FAM107A: variants seen among roughly 807,000 people sequenced by gnomAD.
FAM107A encodes actin-associated protein FAM107A.
A neutral mutation model predicts 13.7 loss-of-function variants in FAM107A; 19 were observed. The ratio of observed to expected loss-of-function variants is 1.38; its 90% CI spans 0.97 to 2.03. The LOEUF (loss-of-function observed/expected upper bound fraction) is 2.03. Ranked by LOEUF, FAM107A falls within the 30% of genes most tolerant of loss-of-function variation. The pLI is 0.00. For missense variants in FAM107A, 203 were observed against 184.4 expected, an observed-to-expected ratio of 1.10 and a Z score of -0.58; for synonymous variants, 82 against 74.5, an observed-to-expected ratio of 1.10 and a Z score of -0.52.
upstream of FAM107A, among the ~76,000 whole-genome samples, chr3:58,591,913 C>T (rs2065657316): frequency 6.6e-6 from 1 of 152,158 alleles, no homozygotes; most frequent in Non-Finnish European, 1.5e-5. The surrounding 1 kb of genome is among the most constrained non-coding windows in gnomAD (Gnocchi z 4.3). Flanking sequence ...GGGAATGCAG[C>T]CACATAAAGG....
chr3:58,578,627 C>T (rs2063749295), upstream of FAM107A, among the ~76,000 whole-genome samples: 1 of 152,098 alleles, frequency 6.6e-6, no homozygotes, highest in South Asian at 2.1e-4. Flanking sequence ...GTATGTAGAT[C>T]CTTAAGGCCA....
intron 1 of FAM107A, among the ~76,000 whole-genome samples, chr3:58,609,838 C>T (rs904479796): frequency 6.6e-6 from 1 of 152,194 alleles, no homozygotes; most frequent in Non-Finnish European, 1.5e-5. Context: ...CATGGGTTGG[C>T]CTAGGCATGG....
At chr3:58,588,719 A>C (rs1021133084), upstream of FAM107A, among the ~76,000 whole-genome samples, 2 of 151,888 alleles carry the variant, frequency 1.3e-5, no homozygotes, top group African/African-American at 4.8e-5. Context: ...TTCTTTCTTT[A>C]TTTTTTTATG....
chr3:58,579,918 G>T (rs560225392), upstream of FAM107A, among the ~76,000 whole-genome samples: 1 of 152,282 alleles, frequency 6.6e-6, no homozygotes, highest in South Asian at 2.1e-4. Flanking sequence ...CTAGCCCCAG[G>T]GCAGGTACCT....
upstream of FAM107A, among the ~76,000 whole-genome samples, chr3:58,588,109 G>A (rs1460373890): frequency 6.6e-6 from 1 of 152,184 alleles, no homozygotes; most frequent in Non-Finnish European, 1.5e-5. Flanking sequence ...TACAGGTGAG[G>A]TCGTTGAGAC....
At chr3:58,566,788 T>G in intron 3 of FAM107A, 93 bp from the exon 4 acceptor site, 2 of 1,018,616 alleles carry the variant, frequency 2.0e-6, no homozygotes, top group Admixed American at 3.7e-5. Flanking sequence ...GCCCACTCAG[T>G]GGGGAAACAG....
At chr3:58,599,737 A>G in intron 1 of FAM107A, among the ~76,000 whole-genome samples, 1 of 27,224 alleles carries the variant, frequency 3.7e-5, no homozygotes, top group Non-Finnish European at 9.4e-5. Context: ...TTTTTTTTTG[A>G]GACGGGATCC....
In FAM107A at chr3:58,577,227, G is replaced by A. The variant is rs951415159; in HGVS notation, c.-6+82C>T. 1.6e-5 allele frequency: 10 copies of A among 643,906 alleles called. No homozygotes were observed. The African/African-American group carries it at 1.6e-4, about 10-fold the overall frequency. 39.9% of individuals were successfully genotyped at this position (643,906 alleles called of 1,614,324 possible). A position where few individuals can be genotyped will look rare whatever the true frequency, so the allele number is the denominator to read the frequency against. On this transcript the variant is annotated intron_variant, in intron 1 of 3. Transcript: ENST00000360997. The surrounding 1 kb of genome is among the most constrained non-coding windows in gnomAD (Gnocchi z 4.9). The stretch of plus-strand genomic sequence containing the variant: ...CACTGACAGCCCACTTCAGTGTACC[G>A]GGTCTGCCCTCCTTCCCTTCCACCT...
At chr3:58,586,873 C>G (rs1019818394) in exon 1 of FAM107A, 2 of 1,533,234 alleles carry the variant, frequency 1.3e-6, no homozygotes, top group Non-Finnish European at 1.7e-6. Flanking sequence ...CGGAGCAGCA[C>G]AGCCCGGTAG....
At chr3:58,615,826 G>A (rs570044090) in intron 1 of FAM107A, among the ~76,000 whole-genome samples, 2 of 147,624 alleles carry the variant, frequency 1.4e-5, no homozygotes, top group African/African-American at 5.1e-5. Context: ...AGCCCTAAAG[G>A]CAGAGGTTGC....
At chr3:58,578,717 A>G (rs1025164557), upstream of FAM107A, among the ~76,000 whole-genome samples, 2 of 152,164 alleles carry the variant, frequency 1.3e-5, no homozygotes, top group Admixed American at 6.5e-5. Flanking sequence ...AGTGTTTTCT[A>G]TCGTTTAGTG....
intron 1 of FAM107A, among the ~76,000 whole-genome samples, chr3:58,603,040 AT>A (rs1314124644): frequency 6.6e-6 from 1 of 152,146 alleles, no homozygotes; most frequent in Non-Finnish European, 1.5e-5. Flanking sequence ...GTATTCATTC[AT>A]TTTCATAGTT....
chr3:58,565,294 G>C lies in FAM107A; in HGVS notation c.*1294C>G, dbSNP rs933966418. On this transcript the variant is annotated 3_prime_UTR_variant, in exon 4 of 4. Transcript: ENST00000360997. ...GCTAGGGGTTGGGTCTCAGGTGACA[G>C]AGGCCGGGGATTCAGACTCAAAGGG... 1 of 152,104 alleles carries C rather than the reference G, an allele frequency of 6.6e-6. No homozygotes were observed. 9.4% of individuals were successfully genotyped at this position (152,104 alleles called of 1,614,324 possible). A position where few individuals can be genotyped will look rare whatever the true frequency, so the allele number is the denominator to read the frequency against.
chr3:58,588,302 C>A (rs548393469), upstream of FAM107A, among the ~76,000 whole-genome samples: 8 of 152,360 alleles, frequency 5.3e-5, no homozygotes, highest in East Asian at 1.3e-3. Context: ...CCACACAGTA[C>A]CACCTCCCTT....
rs184708497 is a variant in FAM107A, at chr3:58,571,147, C to T, written c.-5-1282G>A. The stretch of plus-strand genomic sequence containing the variant: ...AGAAAATACAGAGAGGGGGGTTTGA[C>T]GGGGTGCACGTTGCAAGGTGATATG... On this transcript the variant is annotated intron_variant, in intron 1 of 3. Coordinates refer to ENST00000360997, the MANE Select transcript of FAM107A (RefSeq NM_001076778.3). Among the ~76,000 whole-genome samples the T allele has an allele frequency of 7.2e-4, 110 of 152,234 alleles. 1 individual carries two copies. In the Middle Eastern group the frequency reaches 0.02, roughly 28 times the overall value.
intron 1 of FAM107A, among the ~76,000 whole-genome samples, chr3:58,602,309 C>T (rs968775739): frequency 6.6e-5 from 10 of 152,196 alleles, no homozygotes; most frequent in Middle Eastern, 3.4e-3. Context: ...GAAAATATAA[C>T]GATACTCAGT....
In FAM107A at chr3:58,605,449, G is replaced by C. The variant is rs563826009; in HGVS notation, c.-69-16180C>G. Reference sequence around the variant, plus strand: ...TTTTGCTTTAGTTGCTCCAAACCCTGATCTCTGCCTCCTGAGCTCAGAGGG... The same window carrying C: ...TTTTGCTTTAGTTGCTCCAAACCCTCATCTCTGCCTCCTGAGCTCAGAGGG... On this transcript the variant is annotated intron_variant, in intron 1 of 3. Transcript: ENST00000465970. 2.2e-4 allele frequency among the ~76,000 whole-genome samples: 34 copies of C among 152,266 alleles called. 1 individual carries two copies. In the South Asian group the frequency reaches 7.1e-3, roughly 32 times the overall value.
chr3:58,591,109 A>G (rs2065650873), upstream of FAM107A, among the ~76,000 whole-genome samples: 1 of 152,188 alleles, frequency 6.6e-6, no homozygotes. The surrounding 1 kb of genome is among the most constrained non-coding windows in gnomAD (Gnocchi z 4.3). Flanking sequence ...TGCAGCGTTC[A>G]CGTTCACATT....
chr3:58,587,602 G>A (rs1049815811), upstream of FAM107A, among the ~76,000 whole-genome samples: 7 of 151,838 alleles, frequency 4.6e-5, no homozygotes, highest in African/African-American at 1.7e-4. Flanking sequence ...TCGTGGGGTG[G>A]GTGGCACTGA....
Sources: allele counts gnomAD v4.1 joint callset (sites outside exome capture counted in the v4.1 genomes callset), GRCh38; gene constraint gnomAD v4.1.1; non-coding constraint Gnocchi (gnomAD v3.1); transcripts MANE v1.5; gene names NCBI Gene and HGNC (gene_info 2026-07-23, HGNC 2026-07-21).